The following SRGAP3 variants were observed in gnomAD, a reference collection of about 807,000 sequenced individuals.
SRGAP3 encodes the protein SLIT-ROBO Rho GTPase-activating protein 3.
A neutral mutation model predicts 121.1 loss-of-function variants in SRGAP3; 39 were observed. The ratio of observed to expected loss-of-function variants is 0.32; its 90% CI spans 0.25 to 0.42. The LOEUF is 0.42. SRGAP3 is among the 10% of genes least tolerant of loss of function. The pLI is 1.00. For missense variants in SRGAP3, 1,213 were observed against 1,470.6 expected (o/e 0.82, Z 2.86); for synonymous variants, 601 against 570.0 (o/e 1.05, Z -0.77).
chr3:9,058,159 C>A, intron 7 of SRGAP3, 92 bp downstream of exon 7: 4 of 1,428,858 alleles, frequency 2.8e-6, no homozygotes, highest in Middle Eastern at 2.4e-4. Flanking sequence ...CGGATAGAAA[C>A]TTTCTGTACG....
intron 2 of SRGAP3, among the ~76,000 whole-genome samples, chr3:9,327,552 T>C (rs542690563): frequency 3.3e-5 from 5 of 152,348 alleles, no homozygotes; most frequent in African/African-American, 1.2e-4. Flanking sequence ...ACTTTTACTT[T>C]TGGTGAAAAT....
intron 1 of SRGAP3, among the ~76,000 whole-genome samples, chr3:9,154,536 C>T (rs1197847871): frequency 2.0e-5 from 3 of 152,064 alleles, no homozygotes; most frequent in Non-Finnish European, 4.4e-5. Flanking sequence ...TCTCCAGTTA[C>T]TTAAATTCCA....
chr3:9,190,020 T>C (rs941189363), intron 1 of SRGAP3, among the ~76,000 whole-genome samples: 1 of 152,314 alleles, frequency 6.6e-6, no homozygotes, highest in South Asian at 2.1e-4. Flanking sequence ...CACTGAGAAA[T>C]AATCATCCCC....
At chr3:9,023,850 G>T (rs1393740110) in intron 14 of SRGAP3, among the ~76,000 whole-genome samples, 1 of 152,134 alleles carries the variant, frequency 6.6e-6, no homozygotes, top group Non-Finnish European at 1.5e-5. Context: ...GACCCCAGAA[G>T]GCCACTGAGC....
At chr3:9,124,580 T>C (rs1470450693) in intron 2 of SRGAP3, 145 bp downstream of exon 2, 14 of 989,510 alleles carry the variant, frequency 1.4e-5, no homozygotes, top group Non-Finnish European at 2.0e-5. Flanking sequence ...GGCTTGGAGG[T>C]GTAAGTAACC....
intron 3 of SRGAP3, among the ~76,000 whole-genome samples, chr3:9,084,306 G>A (rs1947366070): frequency 6.6e-6 from 1 of 152,210 alleles, no homozygotes; most frequent in African/African-American, 2.4e-5. Context: ...CCCAACTCAA[G>A]ACGGTGGATT....
chr3:9,000,641 T>C (rs1161133196), intron 18 of SRGAP3, among the ~76,000 whole-genome samples: 1 of 152,164 alleles, frequency 6.6e-6, no homozygotes, highest in Non-Finnish European at 1.5e-5. Flanking sequence ...ATATAGAAGC[T>C]AGACTATAAC....
intron 1 of SRGAP3, among the ~76,000 whole-genome samples, chr3:9,197,045 T>C (rs1214885953): frequency 1.3e-5 from 2 of 152,198 alleles, no homozygotes; most frequent in Non-Finnish European, 2.9e-5. Context: ...ACCAGGTTCT[T>C]TTTCACTCAC....
intron 14 of SRGAP3, among the ~76,000 whole-genome samples, chr3:9,023,073 G>A (rs1227198621): frequency 1.3e-5 from 2 of 151,810 alleles, no homozygotes; most frequent in African/African-American, 4.8e-5. Context: ...GTTGCCCGTG[G>A]CAACAAGGTT....
At chr3:9,169,748 T>C (rs1293798490) in intron 1 of SRGAP3, among the ~76,000 whole-genome samples, 1 of 152,264 alleles carries the variant, frequency 6.6e-6, no homozygotes, top group Non-Finnish European at 1.5e-5. Flanking sequence ...CTCCAGGACC[T>C]GGAATGTTAT....
intron 3 of SRGAP3, among the ~76,000 whole-genome samples, chr3:9,083,771 T>A (rs1947340645): frequency 6.6e-6 from 1 of 152,124 alleles, no homozygotes; most frequent in Non-Finnish European, 1.5e-5. Flanking sequence ...CAGAATTCCC[T>A]CCAGCCTTCC....
chr3:8,999,227 C>T (rs1351343676), intron 18 of SRGAP3, among the ~76,000 whole-genome samples: 1 of 152,154 alleles, frequency 6.6e-6, no homozygotes, highest in Non-Finnish European at 1.5e-5. Context: ...AGGAAAATCA[C>T]TCCAGTGGCA....
intron 18 of SRGAP3, among the ~76,000 whole-genome samples, chr3:9,006,497 C>G (rs1943088981): frequency 6.9e-6 from 1 of 145,246 alleles, no homozygotes; most frequent in South Asian, 2.2e-4. Context: ...CCATCAAAAA[C>G]CTCACCTTAA....
intron 3 of SRGAP3, among the ~76,000 whole-genome samples, chr3:9,255,656 G>A (rs757863602): frequency 6.6e-5 from 10 of 152,052 alleles, no homozygotes; most frequent in Non-Finnish European, 8.8e-5. Context: ...AGTCAGTCCC[G>A]AACAATCCAC....
At chr3:8,988,175 G>A (rs771307403) in intron 21 of SRGAP3, among the ~76,000 whole-genome samples, 3 of 152,144 alleles carry the variant, frequency 2.0e-5, no homozygotes, top group Non-Finnish European at 4.4e-5. Context: ...GACAGAGTGG[G>A]GACCGTGATT....
At chr3:9,112,118 G>A (rs1415832451) in intron 2 of SRGAP3, among the ~76,000 whole-genome samples, 2 of 152,178 alleles carry the variant, frequency 1.3e-5, no homozygotes, top group Non-Finnish European at 2.9e-5. Flanking sequence ...GCTGAGGGCC[G>A]GAAAATTCCG....
At chr3:9,159,645 C>A (rs1950541879) in intron 1 of SRGAP3, among the ~76,000 whole-genome samples, 1 of 135,874 alleles carries the variant, frequency 7.4e-6, no homozygotes, top group Non-Finnish European at 1.7e-5. Flanking sequence ...GCACGTATAC[C>A]CCTGATCCTA....
intron 1 of SRGAP3, among the ~76,000 whole-genome samples, chr3:9,202,789 C>T (rs931123173): frequency 3.3e-5 from 5 of 152,262 alleles, no homozygotes; most frequent in African/African-American, 1.2e-4. Flanking sequence ...TGCCCCATGC[C>T]AGGAGGGCAA....
At chr3:9,268,193 T>C (rs1387823903) in intron 3 of SRGAP3, among the ~76,000 whole-genome samples, 1 of 152,062 alleles carries the variant, frequency 6.6e-6, no homozygotes, top group Non-Finnish European at 1.5e-5. Context: ...GTGATGGTAT[T>C]TGGAGATAGG....
Sources: allele counts gnomAD v4.1 joint callset (sites outside exome capture counted in the v4.1 genomes callset), GRCh38; gene constraint gnomAD v4.1.1; transcripts MANE v1.5; gene names NCBI Gene and HGNC (gene_info 2026-07-23, HGNC 2026-07-21).